The following TENM1 variants were observed in gnomAD, a reference collection of about 807,000 sequenced individuals.
TENM1 encodes the protein teneurin-1.
In TENM1, 35 loss-of-function variants were observed where a neutral mutation model predicts 174.8. The observed-to-expected ratio is 0.20, with a 90% CI of 0.15 to 0.27. The LOEUF (loss-of-function observed/expected upper bound fraction) is 0.27, where lower values mean the gene tolerates loss of function less well. TENM1 is among the 10% of genes least tolerant of loss of function. TENM1 has a pLI of 1.00. For missense variants in TENM1, 1,633 were observed against 2,130.1 expected (o/e 0.77, Z 4.59); for synonymous variants, 781 against 798.7 (o/e 0.98, Z 0.37).
At chrX:124,852,102 T>TG (rs779551348) in intron 3 of TENM1, among the ~76,000 whole-genome samples, 30 of 110,839 alleles carry the variant, frequency 2.7e-4, no homozygotes, top group Non-Finnish European at 4.9e-4. Context: ...AGAAAGTGTG[T>TG]GGTGTAGTTG....
chrX:124,868,282 A>T (rs969851856), intron 3 of TENM1, among the ~76,000 whole-genome samples: 2 of 111,990 alleles, frequency 1.8e-5, no homozygotes, highest in African/African-American at 6.5e-5. Flanking sequence ...AAAAACAGAC[A>T]GATAGACAGT....
At chrX:125,157,830 C>T in the TENM1 span, among the ~76,000 whole-genome samples, 3 of 111,726 alleles carry the variant, frequency 2.7e-5, no homozygotes, top group East Asian at 2.8e-4. Flanking sequence ...TAAACACATA[C>T]CCGAGCAATT....
chrX:125,052,377 G>A, the TENM1 span, among the ~76,000 whole-genome samples: 1 of 111,858 alleles, frequency 8.9e-6, no homozygotes. Flanking sequence ...CCAGAAACGA[G>A]AACACATAAT....
the TENM1 span, among the ~76,000 whole-genome samples, chrX:125,129,315 C>G: frequency 1.8e-5 from 2 of 111,827 alleles, no homozygotes; most frequent in Admixed American, 9.5e-5. Flanking sequence ...AAACAAAGTA[C>G]TTTTTAAGAT....
intron 19 of TENM1, 105 bp downstream of exon 22, chrX:124,503,455 T>C: frequency 8.3e-6 from 6 of 719,137 alleles, no homozygotes. Flanking sequence ...TAAGTAGTAT[T>C]CTCACAAGTA....
At chrX:125,119,590 C>T in the TENM1 span, among the ~76,000 whole-genome samples, 1 of 110,162 alleles carries the variant, frequency 9.1e-6, no homozygotes, top group Non-Finnish European at 1.9e-5. Context: ...GGTACTTTGA[C>T]TTTAAGGTAA....
chrX:124,751,389 T>C (rs1011844255), intron 3 of TENM1, among the ~76,000 whole-genome samples: 3 of 111,627 alleles, frequency 2.7e-5, no homozygotes, highest in Non-Finnish European at 3.8e-5. Context: ...ATTACAACAA[T>C]AGATAATTAT....
intron 1 of TENM1, among the ~76,000 whole-genome samples, chrX:124,937,955 T>C (rs1339361307): frequency 2.7e-5 from 3 of 111,802 alleles, no homozygotes; most frequent in African/African-American, 9.7e-5. Context: ...GCGTTGAAGA[T>C]TGGTCTGAAG....
chrX:124,718,978 TG>T (rs900645596), intron 4 of TENM1, among the ~76,000 whole-genome samples: 26 of 111,761 alleles, frequency 2.3e-4, no homozygotes, highest in Non-Finnish European at 4.5e-4. Context: ...TCAGATACGC[TG>T]CTAAACATCC....
At chrX:124,399,816 A>AG (rs1334538999) in intron 27 of TENM1, among the ~76,000 whole-genome samples, 1 of 111,260 alleles carries the variant, frequency 9.0e-6, no homozygotes, top group Non-Finnish European at 1.9e-5. Context: ...AGAAACAAAA[A>AG]CAAAAATTAG....
the TENM1 span, among the ~76,000 whole-genome samples, chrX:124,985,994 G>A: frequency 8.1e-3 from 902 of 111,776 alleles, 6 homozygotes; most frequent in Non-Finnish European, 0.011. Flanking sequence ...CTGATAAAAC[G>A]TAAGTTAGAA....
the TENM1 span, among the ~76,000 whole-genome samples, chrX:125,066,143 T>C: frequency 1.8e-5 from 2 of 111,960 alleles, no homozygotes; most frequent in African/African-American, 6.5e-5. Context: ...CTAAGCCTTA[T>C]GAAGGGCAAA....
chrX:125,090,748 T>C, the TENM1 span, among the ~76,000 whole-genome samples: 2 of 111,156 alleles, frequency 1.8e-5, no homozygotes, highest in African/African-American at 6.6e-5. Flanking sequence ...AGGCAATATT[T>C]CAAGTAAGTC....
intron 3 of TENM1, among the ~76,000 whole-genome samples, chrX:124,852,827 A>G: frequency 9.0e-6 from 1 of 111,680 alleles, no homozygotes; most frequent in Non-Finnish European, 1.9e-5. Flanking sequence ...AAGAGAAAAC[A>G]TCAGTGAAGG....
chrX:124,938,807 G>A (rs2058282629), intron 1 of TENM1, among the ~76,000 whole-genome samples: 1 of 111,631 alleles, frequency 9.0e-6, no homozygotes, highest in Non-Finnish European at 1.9e-5. Context: ...GTGAGTAATT[G>A]TATATACATC....
At chrX:125,130,983 T>G in the TENM1 span, among the ~76,000 whole-genome samples, 1 of 111,807 alleles carries the variant, frequency 8.9e-6, no homozygotes, top group African/African-American at 3.2e-5. Context: ...TTATGGAGTA[T>G]AAGAGAGGGT....
chrX:124,652,708 A>G (rs2051339865), intron 7 of TENM1, among the ~76,000 whole-genome samples: 1 of 111,911 alleles, frequency 8.9e-6, no homozygotes, highest in African/African-American at 3.3e-5. Context: ...ATTTGAGAAC[A>G]TTCATCATAA....
intron 3 of TENM1, among the ~76,000 whole-genome samples, chrX:124,794,487 C>T (rs1451154832): frequency 9.0e-6 from 1 of 111,287 alleles, no homozygotes; most frequent in African/African-American, 3.3e-5. Context: ...CAATACGTCA[C>T]CACATTCTAT....
chrX:125,181,135 G>A, the TENM1 span, among the ~76,000 whole-genome samples: 1 of 111,802 alleles, frequency 8.9e-6, no homozygotes, highest in East Asian at 2.8e-4. Context: ...CATTGTGCAA[G>A]GTGTTTTATG....
Sources: allele counts gnomAD v4.1 joint callset (sites outside exome capture counted in the v4.1 genomes callset), GRCh38; gene constraint gnomAD v4.1.1; transcripts MANE v1.5; gene names NCBI Gene and HGNC (gene_info 2026-07-23, HGNC 2026-07-21).